ARHGAP6: variants seen among roughly 807,000 people sequenced by gnomAD.
ARHGAP6 encodes rho GTPase-activating protein 6.
In ARHGAP6, 16 loss-of-function variants were observed where a neutral mutation model predicts 55.7. The ratio of observed to expected loss-of-function variants is 0.29; its 90% CI spans 0.19 to 0.44. The LOEUF (loss-of-function observed/expected upper bound fraction) is 0.44, where lower values mean the gene tolerates loss of function less well. Ranked by LOEUF, ARHGAP6 falls within the 20% of genes least tolerant of loss-of-function variation. The probability of loss-of-function intolerance (pLI) is 1.00; values close to 1 mark genes in which losing one functional copy is unlikely to be tolerated. For missense variants in ARHGAP6, 698 were observed against 808.9 expected (o/e 0.86, Z 1.66); for synonymous variants, 382 against 360.9 (o/e 1.06, Z -0.66).
At chrX:11,157,252 CTTA>C (rs775787680) in intron 9 of ARHGAP6, among the ~76,000 whole-genome samples, 5 of 112,240 alleles carry the variant, frequency 4.5e-5, no homozygotes, top group Non-Finnish European at 9.4e-5. Flanking sequence ...GATTAAATGA[CTTA>C]TTATATGTTG....
intron 1 of ARHGAP6, among the ~76,000 whole-genome samples, chrX:11,609,279 A>G (rs1341905124): frequency 8.9e-6 from 1 of 111,849 alleles, no homozygotes; most frequent in Non-Finnish European, 1.9e-5. Flanking sequence ...GAAATGTGAG[A>G]AGAAGAAAAA....
chrX:11,262,881 A>G (rs1204884063), intron 1 of ARHGAP6, among the ~76,000 whole-genome samples: 1 of 111,588 alleles, frequency 9.0e-6, no homozygotes, highest in Non-Finnish European at 1.9e-5. Context: ...GGAGAAAAGA[A>G]CAAGACTTAA....
intron 1 of ARHGAP6, among the ~76,000 whole-genome samples, chrX:11,428,259 G>A (rs2049909448): frequency 8.9e-6 from 1 of 111,737 alleles, no homozygotes. Flanking sequence ...CTTGGGGAGG[G>A]CAGGACTGAG....
chrX:11,266,076 A>T (rs867852378), intron 1 of ARHGAP6: 149 of 222,793 alleles, frequency 6.7e-4, no homozygotes, highest in African/African-American at 7.6e-4. Context: ...TGTGTGTGAG[A>T]GAGAGAGAGA....
In ARHGAP6 at chrX:11,403,184, G is replaced by GAA. The variant is rs780893961; in HGVS notation, c.589-148479_589-148478dup. 8.1e-3 allele frequency among the ~76,000 whole-genome samples: 903 copies of GAA among 111,811 alleles called. 5 individuals are homozygous for GAA. The highest frequency in any genetic ancestry group is 0.037 in the Middle Eastern group (8 of 216). On this transcript the variant is annotated intron_variant, in intron 1 of 12. Transcript: ENST00000337414. ...AGACATCCTGACTATTTCAGTGTGA[G>GAA]AAAAGTTCAGCAATCTTGGGGTGCT...
At chrX:11,288,610 T>C (rs1434259285) in intron 1 of ARHGAP6, among the ~76,000 whole-genome samples, 2 of 111,925 alleles carry the variant, frequency 1.8e-5, no homozygotes, top group Non-Finnish European at 3.8e-5. Flanking sequence ...CTCCAGAACA[T>C]TTCTATCATC....
At chrX:11,274,176 TCA>T (rs2147519816) in intron 1 of ARHGAP6, among the ~76,000 whole-genome samples, 1 of 111,948 alleles carries the variant, frequency 8.9e-6, no homozygotes, top group Admixed American at 9.5e-5. Context: ...TAATTCTCTC[TCA>T]TTTAGTTTTC....
chrX:11,589,829 C>A (rs182953226), intron 1 of ARHGAP6, among the ~76,000 whole-genome samples: 185 of 112,000 alleles, frequency 1.7e-3, no homozygotes, highest in Non-Finnish European at 2.4e-3. Context: ...CCCAGTCCCC[C>A]TTCATCTGTG....
chrX:11,240,350 A>G (rs1380017967), intron 2 of ARHGAP6, among the ~76,000 whole-genome samples: 1 of 112,045 alleles, frequency 8.9e-6, no homozygotes, highest in African/African-American at 3.2e-5. Flanking sequence ...GAGGAATAGT[A>G]ATCTAGGAAA....
chrX:11,650,075 A>G (rs759530017), intron 1 of ARHGAP6, among the ~76,000 whole-genome samples: 1 of 106,870 alleles, frequency 9.4e-6, no homozygotes, highest in African/African-American at 3.4e-5. Flanking sequence ...GTTCACTGCA[A>G]CCTTGAACTC....
At chrX:11,545,675 G>T (rs2051204773) in intron 1 of ARHGAP6, among the ~76,000 whole-genome samples, 1 of 111,712 alleles carries the variant, frequency 9.0e-6, no homozygotes, top group Non-Finnish European at 1.9e-5. Context: ...GACAACAAGA[G>T]AGTTAGTTCA....
intron 1 of ARHGAP6, chrX:11,427,837 G>A: frequency 1.6e-6 from 1 of 618,958 alleles, no homozygotes; most frequent in Non-Finnish European, 1.9e-6. Context: ...GGAGGAGGAG[G>A]AGGAGGAGGA....
chrX:11,599,170 G>A (rs2051939938), intron 1 of ARHGAP6, among the ~76,000 whole-genome samples: 1 of 111,844 alleles, frequency 8.9e-6, no homozygotes, highest in Non-Finnish European at 1.9e-5. Flanking sequence ...GGGAATTAAG[G>A]TTGTTTCCAT....
chrX:11,425,242 A>C (rs972459863), intron 1 of ARHGAP6, among the ~76,000 whole-genome samples: 2 of 112,068 alleles, frequency 1.8e-5, no homozygotes. Context: ...CCCAAAAAAA[A>C]CCCAAGATCA....
chrX:11,337,039 C>T (rs1272523300), intron 1 of ARHGAP6, among the ~76,000 whole-genome samples: 1 of 110,941 alleles, frequency 9.0e-6, no homozygotes, highest in Non-Finnish European at 1.9e-5. Context: ...AGGACTCCTA[C>T]AGCCCACCTG....
At chrX:11,380,369 T>C (rs2049248473) in intron 1 of ARHGAP6, among the ~76,000 whole-genome samples, 1 of 112,004 alleles carries the variant, frequency 8.9e-6, no homozygotes, top group African/African-American at 3.2e-5. Context: ...GATTTCCCCA[T>C]GAGTCACATT....
intron 1 of ARHGAP6, among the ~76,000 whole-genome samples, chrX:11,599,795 G>A (rs910284747): frequency 9.0e-6 from 1 of 111,586 alleles, no homozygotes; most frequent in Non-Finnish European, 1.9e-5. Flanking sequence ...CACACAAACC[G>A]GTAACTATGT....
chrX:11,354,131 C>CA (rs1290206832), intron 1 of ARHGAP6, among the ~76,000 whole-genome samples: 1 of 108,845 alleles, frequency 9.2e-6, no homozygotes, highest in Non-Finnish European at 1.9e-5. Context: ...CATTATCTGC[C>CA]AAAGAGAACC....
chrX:11,360,891 C>A (rs1223312345), intron 1 of ARHGAP6, among the ~76,000 whole-genome samples: 1 of 110,841 alleles, frequency 9.0e-6, no homozygotes, highest in Admixed American at 9.5e-5. Flanking sequence ...CATGAGTGAA[C>A]TCCCATTCAC....
Sources: gnomAD v4.1 joint callset for allele counts (sites outside exome capture counted in the v4.1 genomes callset) on GRCh38, gnomAD v4.1.1 for gene constraint, MANE v1.5 for transcripts, NCBI Gene and HGNC (gene_info 2026-07-23, HGNC 2026-07-21) for gene names.